The following LITAF variants were observed in gnomAD, a reference collection of about 807,000 sequenced individuals.
LITAF encodes lipopolysaccharide induced TNF factor.
Under a neutral mutation model 14.5 loss-of-function variants are expected in LITAF, and 9 were observed. That is an observed-to-expected ratio of 0.62 (90% CI 0.37 to 1.08). The LOEUF is 1.08. LITAF is among the 50% of genes least tolerant of loss of function. The pLI is 0.01. For missense variants in LITAF, 206 were observed against 213.4 expected, an observed-to-expected ratio of 0.97 and a Z score of 0.22; for synonymous variants, 98 against 88.2, an observed-to-expected ratio of 1.11 and a Z score of -0.62.
chr16:11,587,977 C>A (rs544701344), upstream of LITAF, among the ~76,000 whole-genome samples: 2 of 152,058 alleles, frequency 1.3e-5, no homozygotes, highest in African/African-American at 4.8e-5. Context: ...TGCCTTTACC[C>A]GAGGTCCTAA....
At chr16:11,625,552 T>C (rs1253174010) in intron 3 of LITAF, among the ~76,000 whole-genome samples, 1 of 152,088 alleles carries the variant, frequency 6.6e-6, no homozygotes, top group Non-Finnish European at 1.5e-5. Context: ...TGTGAGCCAC[T>C]GTGCCTGGCT....
At chr16:11,592,952 C>T (rs916677126) in intron 1 of LITAF, among the ~76,000 whole-genome samples, 17 of 152,074 alleles carry the variant, frequency 1.1e-4, no homozygotes, top group Admixed American at 6.6e-4. Flanking sequence ...GGGTTGATCA[C>T]GAGGTCAGGA....
At chr16:11,577,614 G>C (rs1204543856) in intron 1 of LITAF, among the ~76,000 whole-genome samples, 3 of 151,726 alleles carry the variant, frequency 2.0e-5, no homozygotes, top group Non-Finnish European at 4.4e-5. Context: ...CACCACACCT[G>C]GCCAGAAGTG....
intron 1 of LITAF, among the ~76,000 whole-genome samples, chr16:11,593,299 T>A (rs1040755840): frequency 7.2e-6 from 1 of 138,628 alleles, no homozygotes; most frequent in Non-Finnish European, 1.5e-5. Context: ...GATGTTGCAG[T>A]GAGCCGAGAT....
chr16:11,573,735 T>C (rs1475137598), intron 1 of LITAF, among the ~76,000 whole-genome samples: 2 of 142,792 alleles, frequency 1.4e-5, no homozygotes, highest in Non-Finnish European at 3.0e-5. Context: ...GGAGTCTTGC[T>C]CTGTTGCCCA....
At chr16:11,615,854 G>A (rs147730419) in intron 3 of LITAF, among the ~76,000 whole-genome samples, 103 of 152,262 alleles carry the variant, frequency 6.8e-4, no homozygotes, top group African/African-American at 2.4e-3. Context: ...GACTCAAGAT[G>A]ACTCAGTGTG....
chr16:11,565,715 G>T (rs971315396), intron 1 of LITAF, among the ~76,000 whole-genome samples: 1 of 152,006 alleles, frequency 6.6e-6, no homozygotes, highest in South Asian at 2.1e-4. Flanking sequence ...ACAGTCTCTC[G>T]TGGCGTCTCC....
intron 2 of LITAF, among the ~76,000 whole-genome samples, chr16:11,555,619 A>G (rs1309653206): frequency 6.6e-6 from 1 of 151,228 alleles, no homozygotes; most frequent in Admixed American, 6.6e-5. Flanking sequence ...TGACTGCACC[A>G]CTGCACTCCA....
At chr16:11,593,015 A>G (rs926906047) in intron 1 of LITAF, among the ~76,000 whole-genome samples, 2 of 152,012 alleles carry the variant, frequency 1.3e-5, no homozygotes, top group East Asian at 3.9e-4. Flanking sequence ...CTAAAAATAC[A>G]AAAAAATTAG....
rs1053344152 is a variant in LITAF at position 11,632,270 on chromosome 16, C to T, written c.85+1263G>A. ...GGTCATTATCAAGTAACTACAGCTG[C>T]CGTGGGGAACAGGATTAGGCAATCC... On this transcript the variant is annotated intron_variant, in intron 3 of 3. Transcript: ENST00000574848. The surrounding 1 kb of genome is among the most constrained non-coding windows in gnomAD (Gnocchi z 4.8). 3.9e-5 allele frequency among the ~76,000 whole-genome samples: 6 copies of T among 152,132 alleles called. No individual in the cohort carries two copies. Among genetic ancestry groups the T allele is most frequent in the Non-Finnish European group, 8.8e-5 (6 of 68,032 alleles).
At chr16:11,565,455 G>A (rs1248526212) in intron 1 of LITAF, among the ~76,000 whole-genome samples, 3 of 123,260 alleles carry the variant, frequency 2.4e-5, no homozygotes, top group Non-Finnish European at 5.2e-5. Flanking sequence ...GCGGGGGGGT[G>A]GGGGGAGGTG....
Position 11,593,829 on chromosome 16 carries a change from T to G in LITAF, c.-6+4559A>C, listed in dbSNP as rs192844218. Among the ~76,000 whole-genome samples the G allele has an allele frequency of 2.6e-5, 4 of 152,306 alleles. No homozygotes were observed. In the East Asian group the frequency reaches 7.7e-4, roughly 29 times the overall value. Reference sequence around the variant, plus strand: ...ATAGACAGAGAAAGTGGATCCGTGCTGAAAGGATTGGGGGGTGACTGCCCA... The same window carrying G: ...ATAGACAGAGAAAGTGGATCCGTGCGGAAAGGATTGGGGGGTGACTGCCCA... On this transcript the variant is annotated intron_variant, in intron 1 of 3. Coordinates refer to the LITAF transcript ENST00000571627.
At position 11,605,154 on chromosome 16, in the gene LITAF, C is replaced by T. The variant is rs2064948632; in HGVS notation, c.85+28379G>A. Among the ~76,000 whole-genome samples the T allele has an allele frequency of 6.6e-6, 1 of 152,150 alleles. No individual in the cohort carries two copies. Among genetic ancestry groups the T allele is most frequent in the Non-Finnish European group, 1.5e-5 (1 of 68,030 alleles). ...CCTTTCCTCTCTCTCTCTCTCTCTC[C>T]ACTGTGCAAACAGGGAGCCCAAGCT... On this transcript the variant is annotated intron_variant, in intron 3 of 3. Transcript: ENST00000574848. This position sits in a 1 kb window ranked among gnomAD's most constrained non-coding sequence, Gnocchi z 4.7.
chr16:11,560,789 G>A (rs1442586144), intron 1 of LITAF, among the ~76,000 whole-genome samples: 1 of 152,154 alleles, frequency 6.6e-6, no homozygotes, highest in Middle Eastern at 3.2e-3. Context: ...AGAAGCAGGA[G>A]GGCAGGGTGG....
chr16:11,627,083 A>T (rs2065088646), intron 3 of LITAF, among the ~76,000 whole-genome samples: 1 of 152,008 alleles, frequency 6.6e-6, no homozygotes, highest in South Asian at 2.1e-4. Flanking sequence ...TTTGCTGCAG[A>T]CGCGTCCCTC....
chr16:11,637,666 G>C (rs570485946), upstream of LITAF, among the ~76,000 whole-genome samples: 6 of 152,090 alleles, frequency 3.9e-5, no homozygotes, highest in South Asian at 2.1e-4. Flanking sequence ...AGGATCACTT[G>C]AGCCCAGGAG....
At chr16:11,559,580 T>C (rs2064326516) in intron 1 of LITAF, among the ~76,000 whole-genome samples, 1 of 151,882 alleles carries the variant, frequency 6.6e-6, no homozygotes, top group African/African-American at 2.4e-5. Context: ...TAGGAAAAAA[T>C]GAATGTAAAA....
Position 11,548,391 on chromosome 16 carries a change from T to G in LITAF, c.*1246A>C, listed in dbSNP as rs1169027111. On this transcript the variant is annotated 3_prime_UTR_variant, in exon 4 of 4. Transcript: ENST00000622633. Reference sequence around the variant, plus strand: ...TGAAAACTAAAATCAGACTTTAGATTCCTCTGAAACAGTTCTGGTTCCCAA... The same window carrying G: ...TGAAAACTAAAATCAGACTTTAGATGCCTCTGAAACAGTTCTGGTTCCCAA... 1 of 453,882 alleles carries G rather than the reference T, an allele frequency of 2.2e-6. No homozygotes were observed. Among genetic ancestry groups the G allele is most frequent in the Non-Finnish European group, 4.4e-6 (1 of 226,796 alleles). The allele number at this position is 453,882 out of a possible 1,614,324, so 28.1% of individuals were successfully genotyped here. A position where few individuals can be genotyped will look rare whatever the true frequency, so the allele number is the denominator to read the frequency against.
chr16:11,567,814 G>T (rs188048391), intron 1 of LITAF, among the ~76,000 whole-genome samples: 5 of 151,950 alleles, frequency 3.3e-5, no homozygotes. Context: ...GTGAAACCCG[G>T]CTCTAATAAA....
Sources: gnomAD v4.1 joint callset for allele counts (sites outside exome capture counted in the v4.1 genomes callset) on GRCh38, gnomAD v4.1.1 for gene constraint, Gnocchi (gnomAD v3.1) non-coding constraint, MANE v1.5 for transcripts, NCBI Gene and HGNC (gene_info 2026-07-23, HGNC 2026-07-21) for gene names.